The following STARD13 variants were observed in gnomAD, a reference collection of about 807,000 sequenced individuals.
STARD13 encodes stAR-related lipid transfer protein 13.
STARD13 carries 62 observed loss-of-function variants against 106.4 expected under a neutral mutation model. The observed-to-expected ratio is 0.58, with a 90% CI of 0.48 to 0.72. The LOEUF (loss-of-function observed/expected upper bound fraction) is 0.72. STARD13 is among the 30% of genes least tolerant of loss of function. The pLI is 0.00. For synonymous variants in STARD13, 565 were observed against 553.0 expected, an observed-to-expected ratio of 1.02 and a Z score of -0.31; for missense variants, 1,387 against 1,424.0, an observed-to-expected ratio of 0.97 and a Z score of 0.42.
intron 1 of STARD13, among the ~76,000 whole-genome samples, chr13:33,217,256 T>C (rs1027824965): frequency 6.6e-6 from 1 of 152,156 alleles, no homozygotes; most frequent in Admixed American, 6.5e-5. Context: ...CTCTTGCAGC[T>C]CATTGTTTTT....
At chr13:33,361,359 C>T in the STARD13 span, among the ~76,000 whole-genome samples, 218 of 152,184 alleles carry the variant, frequency 1.4e-3, 2 homozygotes, top group Non-Finnish European at 1.1e-3. Context: ...CATAACAAAA[C>T]GTGTTAACCA....
At chr13:33,675,557 A>G in the STARD13 span, among the ~76,000 whole-genome samples, 1 of 152,136 alleles carries the variant, frequency 6.6e-6, no homozygotes, top group African/African-American at 2.4e-5. Context: ...AAGGATGAGA[A>G]AGGATATGGA....
intron 1 of STARD13, among the ~76,000 whole-genome samples, chr13:33,319,848 T>C (rs1893490277): frequency 6.6e-6 from 1 of 152,234 alleles, no homozygotes; most frequent in African/African-American, 2.4e-5. Flanking sequence ...ACCAGATGCA[T>C]ACTTGTGTAC....
At chr13:33,313,191 T>C (rs1354718923) in intron 1 of STARD13, among the ~76,000 whole-genome samples, 1 of 152,264 alleles carries the variant, frequency 6.6e-6, no homozygotes, top group Non-Finnish European at 1.5e-5. Context: ...AAATTTATCA[T>C]GAGTGCATTG....
chr13:33,259,972 G>A (rs1318704613), intron 1 of STARD13, among the ~76,000 whole-genome samples: 1 of 145,026 alleles, frequency 6.9e-6, no homozygotes, highest in Non-Finnish European at 1.5e-5. Context: ...CTCCAGCCTG[G>A]GTAAGAAAGT....
At chr13:33,672,177 A>G in the STARD13 span, among the ~76,000 whole-genome samples, 1 of 152,234 alleles carries the variant, frequency 6.6e-6, no homozygotes, top group Non-Finnish European at 1.5e-5. Flanking sequence ...ATGGAATACT[A>G]TGCAGCCATA....
chr13:33,401,486 T>A, the STARD13 span, among the ~76,000 whole-genome samples: 22 of 152,342 alleles, frequency 1.4e-4, no homozygotes, highest in Non-Finnish European at 2.6e-4. Context: ...TAAGGCAGCC[T>A]GTCACTGAGA....
chr13:33,115,632 GCTGCCCTAAACCAAAA>G (rs1210463847), intron 8 of STARD13, among the ~76,000 whole-genome samples: 5 of 152,204 alleles, frequency 3.3e-5, no homozygotes, highest in African/African-American at 1.2e-4. Flanking sequence ...GATGAACCAT[GCTGCCCTAAACCAAAA>G]CTGGTAACCC....
At chr13:33,532,172 C>T in the STARD13 span, among the ~76,000 whole-genome samples, 2 of 152,112 alleles carry the variant, frequency 1.3e-5, no homozygotes, top group Non-Finnish European at 2.9e-5. Context: ...AGTCATTGTG[C>T]CCTTTTTGCT....
chr13:33,143,916 T>C (rs1352609309), intron 3 of STARD13, among the ~76,000 whole-genome samples: 2 of 152,220 alleles, frequency 1.3e-5, no homozygotes, highest in East Asian at 1.9e-4. Flanking sequence ...AGCAAAGACC[T>C]ATTAATAGCA....
the STARD13 span, among the ~76,000 whole-genome samples, chr13:33,544,930 C>T: frequency 6.6e-6 from 1 of 151,196 alleles, no homozygotes; most frequent in Non-Finnish European, 1.5e-5. Context: ...TGTGCCACCA[C>T]ACCTGGCTAA....
chr13:33,315,030 A>C (rs568889768), intron 1 of STARD13, among the ~76,000 whole-genome samples: 1 of 152,352 alleles, frequency 6.6e-6, no homozygotes, highest in Admixed American at 6.5e-5. Flanking sequence ...TATAATGTAC[A>C]TAAGATCTGG....
At chr13:33,539,649 C>G in the STARD13 span, among the ~76,000 whole-genome samples, 406 of 152,208 alleles carry the variant, frequency 2.7e-3, 2 homozygotes, top group African/African-American at 9.1e-3. Context: ...ACGAATGCTA[C>G]CAGAATAACA....
the STARD13 span, among the ~76,000 whole-genome samples, chr13:33,479,504 A>G: frequency 6.6e-6 from 1 of 152,382 alleles, no homozygotes; most frequent in East Asian, 1.9e-4. Context: ...TGGATAAATT[A>G]TGGCATATCC....
At chr13:33,402,119 G>A in the STARD13 span, among the ~76,000 whole-genome samples, 3 of 152,166 alleles carry the variant, frequency 2.0e-5, no homozygotes, top group Non-Finnish European at 4.4e-5. Context: ...ATAAATATTG[G>A]ATAATTATGA....
At chr13:33,202,177 CAGAT>C (rs879654773) in intron 1 of STARD13, among the ~76,000 whole-genome samples, 5 of 152,102 alleles carry the variant, frequency 3.3e-5, no homozygotes, top group Non-Finnish European at 4.4e-5. Flanking sequence ...AGAATAGAGA[CAGAT>C]GGATGATAGT....
intron 1 of STARD13, among the ~76,000 whole-genome samples, chr13:33,216,320 C>T (rs1035515563): frequency 1.3e-5 from 2 of 152,094 alleles, no homozygotes; most frequent in African/African-American, 4.8e-5. Flanking sequence ...AACCCAAATG[C>T]CCATCAATCA....
the STARD13 span, among the ~76,000 whole-genome samples, chr13:33,512,603 G>T: frequency 6.6e-6 from 1 of 152,084 alleles, no homozygotes; most frequent in African/African-American, 2.4e-5. Flanking sequence ...GAGTAGTTGG[G>T]TTTATAGGTG....
the STARD13 span, among the ~76,000 whole-genome samples, chr13:33,628,191 A>ACACC: frequency 8.1e-5 from 10 of 124,204 alleles, no homozygotes; most frequent in East Asian, 4.4e-4. Flanking sequence ...ACACACACAC[A>ACACC]CCACATGCAT....
Sources: gnomAD v4.1 joint callset for allele counts (sites outside exome capture counted in the v4.1 genomes callset) on GRCh38, gnomAD v4.1.1 for gene constraint, MANE v1.5 for transcripts, NCBI Gene and HGNC (gene_info 2026-07-23, HGNC 2026-07-21) for gene names.